The following ENC1 variants were observed in gnomAD, a reference collection of about 807,000 sequenced individuals.
ENC1 encodes ectodermal-neural cortex 1.
Under a neutral mutation model 40.9 loss-of-function variants are expected in ENC1, and 19 were observed. That is an observed-to-expected ratio of 0.46 (90% CI 0.32 to 0.68). The LOEUF is 0.68. Among genes scored for constraint, ENC1 ranks in the 30% least tolerant of loss-of-function variants. The pLI is 0.03. For missense variants in ENC1, 479 were observed against 737.5 expected (o/e 0.65, Z 4.06); for synonymous variants, 285 against 291.1 (o/e 0.98, Z 0.21).
In ENC1 at chr5:74,635,544, G is replaced by A; in HGVS notation, c.942C>T (p.Asp314=). 6.2e-7 allele frequency: 1 copy of A among 1,614,190 alleles called. No individual in the cohort carries two copies. The highest frequency in any genetic ancestry group is 8.5e-7 in the Non-Finnish European group (1 of 1,180,026). ...TFMCDKLYLV[D]QKAKEIIPKA... ...TGGGAATGATTTCTTTGGCCTTCTGGTCTACCAGATACAACTTGTCACACA... is the reference window on the plus strand; with the variant it reads ...TGGGAATGATTTCTTTGGCCTTCTGATCTACCAGATACAACTTGTCACACA... The change falls in exon 2 of 3, where the codon GAC becomes GAT. Residue 314 remains aspartate (D), a synonymous_variant. Coordinates refer to ENST00000302351, the MANE Select transcript of ENC1 (RefSeq NM_003633.4). The surrounding 1 kb of genome is among the most constrained non-coding windows in gnomAD (Gnocchi z 5.5).
At chr5:74,634,385 C>A (rs1230916859) in intron 2 of ENC1, among the ~76,000 whole-genome samples, 1 of 151,986 alleles carries the variant, frequency 6.6e-6, no homozygotes, top group Non-Finnish European at 1.5e-5. Flanking sequence ...GCACTCTAGC[C>A]TGGGTGACAG....
intron 2 of ENC1, chr5:74,632,248 ACTAAGTGTG>A (rs1214633541): frequency 6.6e-6 from 1 of 152,134 alleles, no homozygotes; most frequent in African/African-American, 2.4e-5. Flanking sequence ...CTAACACCCA[ACTAAGTGTG>A]CTGTTAATTG....
In ENC1 at chr5:74,633,824, C is replaced by T. The variant is rs369263662; in HGVS notation, c.*32+860G>A. 2.5e-4 allele frequency among the ~76,000 whole-genome samples: 38 copies of T among 152,300 alleles called. 1 individual carries two copies. The South Asian group carries it at 7.9e-3, about 32-fold the overall frequency. On this transcript the variant is annotated intron_variant, in intron 2 of 2. Transcript: ENST00000302351. Reference sequence around the variant, plus strand: ...CACCTCTTACTAAGCTCTGCTAACTCGGGCAGCTTAGCCTCCGTAATGCAT... The same window carrying T: ...CACCTCTTACTAAGCTCTGCTAACTTGGGCAGCTTAGCCTCCGTAATGCAT...
chr5:74,636,424 T>C lies in ENC1; in HGVS notation c.62A>G (p.Tyr21Cys), dbSNP rs1251768527. 6.8e-6 allele frequency: 11 copies of C among 1,614,142 alleles called. No homozygotes were observed. Among genetic ancestry groups the C allele is most frequent in the Non-Finnish European group, 9.3e-6 (11 of 1,179,992 alleles). Residue 21 changes from tyrosine to cysteine, a missense_variant, in exon 2 of 3, where the codon TAT (tyrosine) becomes TGT (cysteine). Physicochemically the swap from Tyr to Cys is radical, Grantham distance 194 (BLOSUM62 -2). Coordinates refer to ENST00000302351, the MANE Select transcript of ENC1 (RefSeq NM_003633.4). This position sits in a 1 kb window ranked among gnomAD's most constrained non-coding sequence, Gnocchi z 4.8. ...AGCGTAGGAGGACTTGTGAAACAGA[T>C]AGATGTTAATGGAGCCGCTGCTGGC... is the stretch of plus-strand genomic sequence containing the variant. ...SRASSGSINI[Y>C]LFHKSSYADS...
At chr5:74,631,892 A>C (rs1747406428) in intron 2 of ENC1, among the ~76,000 whole-genome samples, 2 of 152,196 alleles carry the variant, frequency 1.3e-5, no homozygotes, top group Non-Finnish European at 2.9e-5. Context: ...CAGAAAGCTA[A>C]TTCCACTGCC....
rs1250097067 is a variant in ENC1, at chr5:74,627,686, T to C, written c.*2339A>G. The C allele has an allele frequency of 6.6e-6, 1 of 152,610 alleles. No homozygotes were observed. Among genetic ancestry groups the C allele is most frequent in the Non-Finnish European group, 1.5e-5 (1 of 68,028 alleles). The allele number at this position is 152,610 out of a possible 1,614,324, so 9.5% of individuals were successfully genotyped here. A position where few individuals can be genotyped will look rare whatever the true frequency, so the allele number is the denominator to read the frequency against. On this transcript the variant is annotated 3_prime_UTR_variant, in exon 3 of 3. Transcript: ENST00000302351. ...ATACCAGAAGTGGAGGGCTGCCCTTTGTTATGTGTTTCTACAGCAACCAGC... is the reference window on the plus strand; with the variant it reads ...ATACCAGAAGTGGAGGGCTGCCCTTCGTTATGTGTTTCTACAGCAACCAGC...
At chr5:74,637,621 GCAAGAA>G (rs1283889866) in intron 1 of ENC1, 1 of 152,200 alleles carries the variant, frequency 6.6e-6, no homozygotes, top group Non-Finnish European at 1.5e-5. Context: ...AAAACCAGCT[GCAAGAA>G]CAAAAGATCC....
intron 1 of ENC1, among the ~76,000 whole-genome samples, chr5:74,637,987 T>C (rs1015359267): frequency 2.0e-5 from 3 of 152,166 alleles, no homozygotes; most frequent in African/African-American, 7.2e-5. Context: ...CATGCCTTCA[T>C]CCTTTTCTTT....
At chr5:74,631,730 C>T (rs938983192) in intron 2 of ENC1, among the ~76,000 whole-genome samples, 1 of 152,120 alleles carries the variant, frequency 6.6e-6, no homozygotes, top group African/African-American at 2.4e-5. Context: ...TCCCAGCGAC[C>T]GGAAGGGTAT....
chr5:74,627,548 CAG>C lies in ENC1; in HGVS notation c.*2475_*2476del, dbSNP rs1408668227. 1 of 152,376 alleles carries C rather than the reference CAG, an allele frequency of 6.6e-6. No homozygotes were observed. Among genetic ancestry groups the C allele is most frequent in the South Asian group, 2.1e-4 (1 of 4,816 alleles). The allele number at this position is 152,376 out of a possible 1,614,324, so 9.4% of individuals were successfully genotyped here. ...CATGAACATTTTCCTTCAACTTATACAGAGTTTTGTACGTGAACCACATGGTC... is the reference window on the plus strand; with the variant it reads ...CATGAACATTTTCCTTCAACTTATACAGTTTTGTACGTGAACCACATGGTC... On this transcript the variant is annotated 3_prime_UTR_variant, in exon 3 of 3. Transcript: ENST00000302351.
At chr5:74,637,803 G>C (rs1500133) in intron 1 of ENC1, 114,082 of 151,300 alleles carry the variant, frequency 0.75, 43,058 homozygotes, top group Middle Eastern at 0.86. Context: ...TATTTTGCCA[G>C]CTGTTGTTAA....
rs1747270396 is a variant in ENC1, at chr5:74,628,295, A to G, written c.*1730T>C. ...GAGAAATGTTAAGGATTTATCTGTC[A>G]TTAGACAATGCAAACACAGTCACAA... On this transcript the variant is annotated 3_prime_UTR_variant, in exon 3 of 3. Coordinates refer to ENST00000302351, the MANE Select transcript of ENC1 (RefSeq NM_003633.4). 6.5e-6 allele frequency: 1 copy of G among 152,694 alleles called. No homozygotes were observed. The highest frequency in any genetic ancestry group is 1.5e-5 in the Non-Finnish European group (1 of 68,050). The allele number at this position is 152,694 out of a possible 1,614,324, so 9.5% of individuals were successfully genotyped here.
chr5:74,634,971 G>A lies in ENC1; in HGVS notation c.1515C>T (p.Ala505=), dbSNP rs779643005. 1.2e-6 allele frequency: 2 copies of A among 1,614,040 alleles called. No individual in the cohort carries two copies. The highest frequency in any genetic ancestry group is 2.2e-5 in the East Asian group (1 of 44,886). The part of the protein sequence containing the change: ...FIMGGDTEFS[A]CSAYKFNSET... ...CACTGTTGAATTTATAAGCAGAGCA[G>A]GCAGAGAATTCTGTATCACCCCCCA... The change falls in exon 2 of 3, where the codon GCC becomes GCT. Residue 505 remains alanine (A), a synonymous_variant. Transcript: ENST00000302351.
chr5:74,632,905 T>A lies in ENC1; in HGVS notation c.*32+1779A>T, dbSNP rs1747442682. ...GTGAGAGTGAGGCCAAGTTTAATGA[T>A]GTTTCTAAATGAGCTGTAAGGGACA... On this transcript the variant is annotated intron_variant, in intron 2 of 2. Coordinates refer to ENST00000302351, the MANE Select transcript of ENC1 (RefSeq NM_003633.4). 2.6e-5 allele frequency among the ~76,000 whole-genome samples: 4 copies of A among 152,266 alleles called. No homozygotes were observed. The South Asian group carries it at 8.3e-4, about 32-fold the overall frequency.
At chr5:74,637,108 A>G (rs1356812627) in intron 1 of ENC1, among the ~76,000 whole-genome samples, 1 of 152,206 alleles carries the variant, frequency 6.6e-6, no homozygotes, top group Non-Finnish European at 1.5e-5. Flanking sequence ...GTTACAGATA[A>G]TGTATTTCAT....
At position 74,636,381 on chromosome 5, in the gene ENC1, G is replaced by T; in HGVS notation, c.105C>A (p.His35Gln). The T allele has an allele frequency of 6.2e-7, 1 of 1,614,136 alleles. No homozygotes were observed. Among genetic ancestry groups the T allele is most frequent in the Non-Finnish European group, 8.5e-7 (1 of 1,180,008 alleles). Residue 35 changes from histidine to glutamine, a missense_variant, in exon 2 of 3, where the codon CAC becomes CAA. Transcript: ENST00000302351. This position sits in a 1 kb window ranked among gnomAD's most constrained non-coding sequence, Gnocchi z 4.8. Reference sequence around the variant, plus strand: ...GACGCTGCTGGCGTAAAAGATTCAGGTGAGTGAGGACGCTGTCAGCGTAGG... The same window carrying T: ...GACGCTGCTGGCGTAAAAGATTCAGTTGAGTGAGGACGCTGTCAGCGTAGG... ...KSSYADSVLT[H>Q]LNLLRQQRLF...
chr5:74,632,668 A>G (rs774934615), intron 2 of ENC1, among the ~76,000 whole-genome samples: 33 of 152,172 alleles, frequency 2.2e-4, no homozygotes, highest in Non-Finnish European at 3.8e-4. Context: ...AGCTTTACCA[A>G]CATGGTGAAA....
In ENC1 at chr5:74,635,081, C is replaced by T. The variant is rs776773829; in HGVS notation, c.1405G>A (p.Glu469Lys). ...GTGGCCGGTACAGTCCACCTGTTTT[C>T]ACACTGATCGTAACACTGAACTTTG... ...LPKVQCYDQC[E>K]NRWTVPATCP... is the part of the protein sequence containing the mutation. The change falls in exon 2 of 3, where the codon GAA becomes AAA. Residue 469 changes from glutamate (E) to lysine (K), a missense_variant. Coordinates refer to ENST00000302351, the MANE Select transcript of ENC1 (RefSeq NM_003633.4). This position sits in a 1 kb window ranked among gnomAD's most constrained non-coding sequence, Gnocchi z 5.5. 1.9e-6 allele frequency: 3 copies of T among 1,614,116 alleles called. No homozygotes were observed. The African/African-American group carries it at 4.0e-5, about 22-fold the overall frequency.
Position 74,636,151 on chromosome 5 carries a change from A to C in ENC1, c.335T>G (p.Ile112Ser). 6.2e-7 allele frequency: 1 copy of C among 1,614,120 alleles called. No individual in the cohort carries two copies. The highest frequency in any genetic ancestry group is 8.5e-7 in the Non-Finnish European group (1 of 1,180,016). Residue 112 changes from isoleucine (I) to serine (S), a missense_variant, in exon 2 of 3, where the codon ATC (isoleucine) becomes AGC (serine). Physicochemically the swap from Ile to Ser is moderately radical, Grantham distance 142. Coordinates refer to ENST00000302351, the MANE Select transcript of ENC1 (RefSeq NM_003633.4). This position sits in a 1 kb window ranked among gnomAD's most constrained non-coding sequence, Gnocchi z 4.8. ...LDYAYSSRVI[I>S]NEENAESLLE... ...GAGCGATTCTGCATTTTCTTCATTG[A>C]TGATGACCCGGGAGGAGTACGCATA...
Sources: allele counts gnomAD v4.1 joint callset (sites outside exome capture counted in the v4.1 genomes callset), GRCh38; gene constraint gnomAD v4.1.1; non-coding constraint Gnocchi (gnomAD v3.1); transcripts MANE v1.5; gene names NCBI Gene and HGNC (gene_info 2026-07-23, HGNC 2026-07-21).